LSAMP: variants seen among roughly 807,000 people sequenced by gnomAD.
LSAMP encodes the protein limbic system-associated membrane protein.
In LSAMP, 7 loss-of-function variants were observed where a neutral mutation model predicts 38.6. That is an observed-to-expected ratio of 0.18 (90% CI 0.10 to 0.34). LSAMP has a LOEUF of 0.34. LSAMP is among the 10% of genes least tolerant of loss of function. LSAMP has a pLI of 1.00. For missense variants in LSAMP, 313 were observed against 420.0 expected (o/e 0.75, Z 2.23); for synonymous variants, 154 against 166.8 (o/e 0.92, Z 0.59).
At chr3:116,132,655 T>C (rs1220806479) in intron 1 of LSAMP, among the ~76,000 whole-genome samples, 1 of 152,234 alleles carries the variant, frequency 6.6e-6, no homozygotes, top group Non-Finnish European at 1.5e-5. Flanking sequence ...TGTCTCCTTT[T>C]TCTTATTCTC....
chr3:116,384,438 A>G (rs143495662), intron 1 of LSAMP, among the ~76,000 whole-genome samples: 125 of 152,212 alleles, frequency 8.2e-4, no homozygotes, highest in African/African-American at 3.0e-3. Flanking sequence ...TTGAATCAGA[A>G]TTTTTGGAAG....
At chr3:116,366,902 C>T (rs765542223) in intron 1 of LSAMP, among the ~76,000 whole-genome samples, 3 of 152,138 alleles carry the variant, frequency 2.0e-5, no homozygotes, top group Non-Finnish European at 4.4e-5. Flanking sequence ...TCCTGAGCCA[C>T]CGCATTGCCT....
intron 3 of LSAMP, among the ~76,000 whole-genome samples, chr3:115,997,872 C>T (rs9833319): frequency 0.45 from 64,146 of 143,794 alleles, 15,504 homozygotes; most frequent in African/African-American, 0.66. Context: ...TTAGAATATA[C>T]AATATACATT....
intron 3 of LSAMP, among the ~76,000 whole-genome samples, chr3:115,993,399 G>C (rs937232413): frequency 6.6e-6 from 1 of 152,074 alleles, no homozygotes; most frequent in Non-Finnish European, 1.5e-5. Flanking sequence ...CTAGGAGAAA[G>C]AATTTAGTAT....
intron 2 of LSAMP, among the ~76,000 whole-genome samples, chr3:116,072,391 G>T (rs1345275567): frequency 6.6e-6 from 1 of 152,092 alleles, no homozygotes; most frequent in Non-Finnish European, 1.5e-5. Context: ...ATAATAGAAT[G>T]ATTTATATTC....
chr3:116,248,698 C>T (rs1544994), intron 1 of LSAMP, among the ~76,000 whole-genome samples: 1 of 151,848 alleles, frequency 6.6e-6, no homozygotes, highest in African/African-American at 2.4e-5. Context: ...TGGCCTTCAT[C>T]TCTCCCCTTT....
chr3:116,423,609 C>G (rs2049158151), intron 1 of LSAMP, among the ~76,000 whole-genome samples: 2 of 152,148 alleles, frequency 1.3e-5, no homozygotes, highest in Admixed American at 1.3e-4. Flanking sequence ...GCATTCAGCT[C>G]AGGAACAGAA....
At chr3:116,104,496 A>G (rs1708418016) in intron 1 of LSAMP, among the ~76,000 whole-genome samples, 2 of 152,142 alleles carry the variant, frequency 1.3e-5, no homozygotes, top group African/African-American at 4.8e-5. Context: ...TCGGGGAGAA[A>G]TCTAATATGA....
chr3:116,258,333 T>TGAGTA (rs145879424), intron 1 of LSAMP, among the ~76,000 whole-genome samples: 9,494 of 152,120 alleles, frequency 0.062, 404 homozygotes, highest in Non-Finnish European at 0.086. Context: ...TTTTATTATC[T>TGAGTA]GAGTATTACC....
In LSAMP at chr3:116,011,654, G is replaced by A. The variant is rs188106865; in HGVS notation, c.514+7861C>T. On this transcript the variant is annotated intron_variant, in intron 3 of 6. Transcript: ENST00000490035. The stretch of plus-strand genomic sequence containing the variant: ...GAAAACTGATGAAAGGCAGGTGAGA[G>A]GAAATATTGGCTGAACTACATTGTG... 3.0e-3 allele frequency among the ~76,000 whole-genome samples: 450 copies of A among 152,226 alleles called. 5 individuals carry two copies. Among genetic ancestry groups the A allele is most frequent in the Admixed American group, 0.019 (291 of 15,292 alleles).
chr3:116,125,063 C>T (rs904402347), intron 1 of LSAMP, among the ~76,000 whole-genome samples: 7 of 152,080 alleles, frequency 4.6e-5, no homozygotes, highest in Non-Finnish European at 5.9e-5. Context: ...GGACCTCTAG[C>T]TTTGCCTGAT....
At chr3:115,954,321 C>T (rs774947390) in intron 3 of LSAMP, among the ~76,000 whole-genome samples, 20 of 152,124 alleles carry the variant, frequency 1.3e-4, no homozygotes, top group Non-Finnish European at 1.9e-4. Flanking sequence ...GCCCTACCTC[C>T]GTATCTCCAC....
At chr3:116,023,313 G>A (rs976043670) in intron 2 of LSAMP, among the ~76,000 whole-genome samples, 6 of 151,742 alleles carry the variant, frequency 4.0e-5, no homozygotes, top group African/African-American at 7.3e-5. Flanking sequence ...AAATGGTTTC[G>A]GCCAGGTACG....
At chr3:116,438,864 AC>A (rs1288203653) in intron 1 of LSAMP, among the ~76,000 whole-genome samples, 4 of 152,214 alleles carry the variant, frequency 2.6e-5, no homozygotes, top group Non-Finnish European at 5.9e-5. Context: ...TGTGTAACAA[AC>A]AAATGGGTTT....
At chr3:116,304,612 T>C (rs2047457573) in intron 1 of LSAMP, among the ~76,000 whole-genome samples, 1 of 152,004 alleles carries the variant, frequency 6.6e-6, no homozygotes, top group Non-Finnish European at 1.5e-5. Context: ...ATAAAGGATT[T>C]CAAGCAGGTG....
Position 115,804,715 on chromosome 3 carries a change from AAC to A in LSAMP, c.*5600_*5601del, listed in dbSNP as rs1358196586. On this transcript the variant is annotated 3_prime_UTR_variant, in exon 7 of 7. Coordinates refer to ENST00000490035, the MANE Select transcript of LSAMP (RefSeq NM_002338.5). ...TCATCTCCTTGATAATTTTTTATGT[AAC>A]AGTTGTTCATATTGTAGGAATGATA... 1.3e-5 allele frequency: 2 copies of A among 152,046 alleles called. No individual in the cohort carries two copies. Among genetic ancestry groups the A allele is most frequent in the Non-Finnish European group, 2.9e-5 (2 of 68,014 alleles). 9.4% of individuals were successfully genotyped at this position (152,046 alleles called of 1,614,324 possible).
chr3:115,848,162 T>A (rs1489360671), intron 4 of LSAMP, among the ~76,000 whole-genome samples: 2 of 152,230 alleles, frequency 1.3e-5, no homozygotes, highest in Non-Finnish European at 2.9e-5. Flanking sequence ...CCAGTCTGGT[T>A]CCATATTAAA....
chr3:116,265,991 A>G lies in LSAMP; in HGVS notation c.155+178886T>C, dbSNP rs190384995. ...TCCCCTTCAATAACTATTAGTGAGAATGGGGGAGGAAAGATTTGTCTCTTG... is the reference window on the plus strand; with the variant it reads ...TCCCCTTCAATAACTATTAGTGAGAGTGGGGGAGGAAAGATTTGTCTCTTG... On this transcript the variant is annotated intron_variant, in intron 1 of 6. Coordinates refer to ENST00000490035, the MANE Select transcript of LSAMP (RefSeq NM_002338.5). 6.6e-5 allele frequency among the ~76,000 whole-genome samples: 10 copies of G among 152,246 alleles called. No individual in the cohort carries two copies. In the East Asian group the frequency reaches 1.9e-3, roughly 29 times the overall value.
At chr3:115,954,958 TG>T (rs201364369) in intron 3 of LSAMP, among the ~76,000 whole-genome samples, 30 of 31,714 alleles carry the variant, frequency 9.5e-4, no homozygotes, top group African/African-American at 1.2e-3. Context: ...TTTTTGTTTT[TG>T]TTTTTTTTTT....
Sources: gnomAD v4.1 joint callset for allele counts (sites outside exome capture counted in the v4.1 genomes callset) on GRCh38, gnomAD v4.1.1 for gene constraint, MANE v1.5 for transcripts, NCBI Gene and HGNC (gene_info 2026-07-23, HGNC 2026-07-21) for gene names.